Variants in KRT8 observed in about 807,000 individuals in gnomAD.
KRT8 encodes the protein keratin 8.
KRT8 carries 24 observed loss-of-function variants against 43.0 expected under a neutral mutation model. The observed-to-expected ratio is 0.56, with a 90% CI of 0.40 to 0.78. The LOEUF is 0.78. Ranked by LOEUF, KRT8 falls within the 30% of genes least tolerant of loss-of-function variation. The probability of loss-of-function intolerance (pLI) is 0.00; values close to 1 mark genes in which losing one functional copy is unlikely to be tolerated. For missense variants in KRT8, 492 were observed against 638.4 expected, an observed-to-expected ratio of 0.77 and a Z score of 2.47; for synonymous variants, 214 against 261.2, an observed-to-expected ratio of 0.82 and a Z score of 1.74.
intron 2 of KRT8, among the ~76,000 whole-genome samples, chr12:52,922,362 T>C (rs1198968743): frequency 1.3e-5 from 2 of 152,082 alleles, no homozygotes; most frequent in Non-Finnish European, 2.9e-5. Flanking sequence ...TATAACTGCA[T>C]TTATTCCTCA....
intron 1 of KRT8, 100 bp from the exon 2 acceptor site, chr12:52,902,172 G>A (rs987025803): frequency 8.5e-5 from 65 of 763,568 alleles, no homozygotes; most frequent in Non-Finnish European, 2.5e-5. Flanking sequence ...TCCTCAAGCA[G>A]TAAGGTCTCC....
At chr12:52,916,010 G>T (rs976413043) in intron 2 of KRT8, among the ~76,000 whole-genome samples, 1 of 152,176 alleles carries the variant, frequency 6.6e-6, no homozygotes, top group African/African-American at 2.4e-5. Flanking sequence ...CTGAGCTTAG[G>T]AAAGTAAGAT....
At chr12:52,938,167 TA>T (rs1438197306) in intron 2 of KRT8, among the ~76,000 whole-genome samples, 206 of 40,582 alleles carry the variant, frequency 5.1e-3, no homozygotes, top group South Asian at 6.6e-3. Context: ...TATATATATA[TA>T]TATTTTTTTT....
intron 2 of KRT8, among the ~76,000 whole-genome samples, chr12:52,940,678 T>C (rs1400764906): frequency 1.4e-5 from 2 of 147,370 alleles, no homozygotes; most frequent in Non-Finnish European, 3.0e-5. Context: ...CAGGCTGGAG[T>C]GCAGTTGCGC....
intron 2 of KRT8, among the ~76,000 whole-genome samples, chr12:52,914,116 G>A (rs530726589): frequency 5.3e-5 from 8 of 151,584 alleles, no homozygotes; most frequent in Middle Eastern, 3.4e-3. Flanking sequence ...CCAGCTACTC[G>A]GGAGGCTGAG....
At chr12:52,926,688 A>G (rs927975522) in intron 2 of KRT8, among the ~76,000 whole-genome samples, 3 of 151,980 alleles carry the variant, frequency 2.0e-5, no homozygotes, top group Non-Finnish European at 4.4e-5. Context: ...CATTTTCCAT[A>G]TTTGTCTCAT....
At chr12:52,905,044 A>G in exon 1 of KRT8, 1 of 1,552,980 alleles carries the variant, frequency 6.4e-7, no homozygotes. Context: ...GGAGCGGAGA[A>G]GCTGCTTCTT....
At chr12:52,905,364 C>A (rs1941490888), upstream of KRT8, among the ~76,000 whole-genome samples, 2 of 152,206 alleles carry the variant, frequency 1.3e-5, no homozygotes, top group Admixed American at 1.3e-4. Context: ...CCTGGGCCGC[C>A]CAGCCACTAC....
exon 8 of KRT8, chr12:52,897,399 G>A: frequency 1.3e-6 from 2 of 1,583,516 alleles, no homozygotes; most frequent in Non-Finnish European, 1.7e-6. Flanking sequence ...GCGCAGGAGG[G>A]GTAGGCTGGG....
chr12:52,934,767 G>A (rs1185708750), intron 2 of KRT8, among the ~76,000 whole-genome samples: 1 of 152,024 alleles, frequency 6.6e-6, no homozygotes, highest in South Asian at 2.1e-4. Flanking sequence ...TCAGGAGTTC[G>A]AGACCAGCCT....
intron 1 of KRT8, among the ~76,000 whole-genome samples, chr12:52,902,414 G>A (rs371003473): frequency 7.2e-5 from 11 of 152,114 alleles, no homozygotes; most frequent in East Asian, 3.9e-4. Context: ...GGGAGTCTCC[G>A]GCGCCCAGGC....
intron 2 of KRT8, among the ~76,000 whole-genome samples, chr12:52,939,228 A>G (rs1471169289): frequency 6.6e-6 from 1 of 152,224 alleles, no homozygotes; most frequent in Non-Finnish European, 1.5e-5. Flanking sequence ...AAACTTGGCC[A>G]GGCATGGTGG....
intron 2 of KRT8, among the ~76,000 whole-genome samples, chr12:52,929,190 T>TTC (rs1491183986): frequency 5.3e-3 from 15 of 2,842 alleles, no homozygotes; most frequent in Non-Finnish European, 0.038. Flanking sequence ...CTTCCTTTCT[T>TTC]TTTTTTTTTT....
At chr12:52,946,175 T>G (rs1408442368) in intron 2 of KRT8, among the ~76,000 whole-genome samples, 1 of 151,970 alleles carries the variant, frequency 6.6e-6, no homozygotes, top group Non-Finnish European at 1.5e-5. Context: ...GCAGTTGGGG[T>G]GGGGCAGGAA....
intron 2 of KRT8, 131 bp downstream of exon 2, chr12:52,901,733 T>C (rs1032326172): frequency 8.2e-6 from 6 of 727,394 alleles, no homozygotes; most frequent in Admixed American, 2.0e-5. Context: ...GCAAACCTCA[T>C]CAGGTGGTCA....
At chr12:52,931,287 T>C (rs574701063) in intron 2 of KRT8, among the ~76,000 whole-genome samples, 22 of 152,070 alleles carry the variant, frequency 1.4e-4, no homozygotes, top group African/African-American at 4.3e-4. Context: ...CAGGATGGTC[T>C]CAATCTCCTG....
At chr12:52,901,827 G>A (rs369066362) in intron 2 of KRT8, 37 bp downstream of exon 2, 177 of 1,435,210 alleles carry the variant, frequency 1.2e-4, no homozygotes, top group Non-Finnish European at 1.6e-4. Flanking sequence ...AGGAGAGCAC[G>A]GTGACTTCAG....
chr12:52,898,379 A>G (rs1941268560), intron 7 of KRT8, 82 bp downstream of exon 7: 1 of 1,220,520 alleles, frequency 8.2e-7, no homozygotes, highest in Non-Finnish European at 1.2e-6. Flanking sequence ...ACTGTGAGCG[A>G]CTGAGCACAG....
intron 2 of KRT8, chr12:52,926,489 C>A (rs984199844): frequency 5.4e-5 from 83 of 1,533,996 alleles, no homozygotes; most frequent in Non-Finnish European, 7.0e-5. Context: ...GCATCAGGCA[C>A]CTCCCCACAA....
Sources: allele counts gnomAD v4.1 joint callset (sites outside exome capture counted in the v4.1 genomes callset), GRCh38; gene constraint gnomAD v4.1.1; transcripts MANE v1.5; gene names NCBI Gene and HGNC (gene_info 2026-07-23, HGNC 2026-07-21).